Variants in GABRA4 observed in about 807,000 individuals in gnomAD.
GABRA4 encodes gamma-aminobutyric acid type A receptor subunit alpha4, also known as gamma-aminobutyric acid receptor subunit alpha-4.
A neutral mutation model predicts 49.7 loss-of-function variants in GABRA4; 12 were observed. The observed-to-expected ratio is 0.24, with a 90% CI of 0.15 to 0.39. The LOEUF (loss-of-function observed/expected upper bound fraction) is 0.39, where lower values mean the gene tolerates loss of function less well. Ranked by LOEUF, GABRA4 falls within the 10% of genes least tolerant of loss-of-function variation. GABRA4 has a pLI of 1.00. For synonymous variants in GABRA4, 288 were observed against 240.2 expected (o/e 1.20, Z -1.84); for missense variants, 506 against 686.0 (o/e 0.74, Z 2.93).
intron 8 of GABRA4, among the ~76,000 whole-genome samples, chr4:46,962,577 A>C (rs2109371828): frequency 6.6e-6 from 1 of 151,980 alleles, no homozygotes; most frequent in Middle Eastern, 3.4e-3. Flanking sequence ...AAAATACCAA[A>C]GATATTCTTC....
At chr4:46,954,623 T>C (rs1302841920) in intron 8 of GABRA4, among the ~76,000 whole-genome samples, 2 of 151,844 alleles carry the variant, frequency 1.3e-5, no homozygotes, top group African/African-American at 4.8e-5. Flanking sequence ...GAGTTTGTAC[T>C]AATACAGACA....
chr4:46,958,635 A>T (rs959264338), intron 8 of GABRA4, among the ~76,000 whole-genome samples: 1 of 151,958 alleles, frequency 6.6e-6, no homozygotes, highest in African/African-American at 2.4e-5. Context: ...CAGCAGAAAC[A>T]GAACAGCTGG....
In GABRA4 at chr4:46,923,731, G is replaced by A. The variant is rs1196433234; in HGVS notation, c.*4494C>T. The A allele has an allele frequency of 6.6e-6, 1 of 152,018 alleles. No individual in the cohort carries two copies. Among genetic ancestry groups the A allele is most frequent in the African/African-American group, 2.4e-5 (1 of 41,416 alleles). 9.4% of individuals were successfully genotyped at this position (152,018 alleles called of 1,614,324 possible). On this transcript the variant is annotated 3_prime_UTR_variant, in exon 9 of 9. Transcript: ENST00000264318. Reference sequence around the variant, plus strand: ...TTCTCTAAAACAGAAAAATAAGGATGTTAGTTTTCATCGTATTATTCTTCA... The same window carrying A: ...TTCTCTAAAACAGAAAAATAAGGATATTAGTTTTCATCGTATTATTCTTCA...
chr4:46,938,066 T>G (rs1721658942), intron 8 of GABRA4, among the ~76,000 whole-genome samples: 1 of 152,194 alleles, frequency 6.6e-6, no homozygotes, highest in Admixed American at 6.6e-5. Flanking sequence ...TTTTCACACT[T>G]TATATTAAGA....
chr4:46,957,029 CTTTA>C (rs1722390846), intron 8 of GABRA4, among the ~76,000 whole-genome samples: 1 of 152,082 alleles, frequency 6.6e-6, no homozygotes, highest in East Asian at 1.9e-4. Context: ...TTCATGCATA[CTTTA>C]TTTAAGATGC....
chr4:46,974,516 A>G, intron 5 of GABRA4, 141 bp from the exon 6 acceptor site: 1 of 762,980 alleles, frequency 1.3e-6, no homozygotes, highest in Non-Finnish European at 1.9e-6. Flanking sequence ...ACTATAATTT[A>G]GTTCACTATA....
chr4:46,971,204 G>A lies in GABRA4; in HGVS notation c.753C>T (p.His251=). The stretch of plus-strand genomic sequence containing the variant: ...TAAAATAACCCATCTTCCGTCTGAG[G>A]TGGAAGTAAACCGTCATAACAATAT... The part of the protein sequence containing the change: ...GEYIVMTVYF[H]LRRKMGYFMI... The change falls in exon 7 of 9, where the codon CAC becomes CAT. Residue 251 remains histidine (H), a synonymous_variant. Transcript: ENST00000264318. The A allele has an allele frequency of 3.1e-6, 5 of 1,609,614 alleles. No individual in the cohort carries two copies. In the South Asian group the frequency reaches 4.4e-5, roughly 14 times the overall value.
intron 8 of GABRA4, among the ~76,000 whole-genome samples, chr4:46,933,850 T>C (rs1467460743): frequency 6.6e-6 from 1 of 152,194 alleles, no homozygotes; most frequent in Non-Finnish European, 1.5e-5. Flanking sequence ...AATTACTTTG[T>C]CATTAGTCAC....
chr4:46,928,607 T>C lies in GABRA4; in HGVS notation c.1283A>G (p.Tyr428Cys). Reference sequence around the variant, plus strand: ...GAATGGGTTTGGACTGGAAGCTAAGTAAGACCGAGGTGTGCCTTTAGAAGA... The same window carrying C: ...GAATGGGTTTGGACTGGAAGCTAAGCAAGACCGAGGTGTGCCTTTAGAAGA... ...QESSKGTPRSYLASSPNPFSR... is the reference protein window; with the variant it reads ...QESSKGTPRSCLASSPNPFSR... The change falls in exon 9 of 9, where the codon TAC (tyrosine) becomes TGC (cysteine). Residue 428 changes from tyrosine (Y) to cysteine (C), a missense_variant. Physicochemically the swap from Tyr to Cys is radical, Grantham distance 194. This residue lies in a region of GABRA4 where 243 missense variants were observed against 210.8 expected (regional missense o/e 1.15). Transcript: ENST00000264318. 6.2e-7 allele frequency: 1 copy of C among 1,613,750 alleles called. No homozygotes were observed. The highest frequency in any genetic ancestry group is 8.5e-7 in the Non-Finnish European group (1 of 1,179,790).
Position 46,993,504 on chromosome 4 carries a change from A to G in GABRA4, c.-80T>C. 6.9e-7 allele frequency: 1 copy of G among 1,447,692 alleles called. No homozygotes were observed. The highest frequency in any genetic ancestry group is 9.7e-7 in the Non-Finnish European group (1 of 1,034,330). The allele number at this position is 1,447,692 out of a possible 1,614,324, so 89.7% of individuals were successfully genotyped here. ...CCTGAGCAGGGTGCGAGGAGAGGGC[A>G]GAGAGGCTCCCGCGGCGTGCGCACA... On this transcript the variant is annotated 5_prime_UTR_variant, in exon 1 of 9. Coordinates refer to ENST00000264318, the MANE Select transcript of GABRA4 (RefSeq NM_000809.4).
intron 8 of GABRA4, among the ~76,000 whole-genome samples, chr4:46,951,251 T>A (rs1722163181): frequency 6.6e-6 from 1 of 151,018 alleles, no homozygotes; most frequent in Non-Finnish European, 1.5e-5. Context: ...ACTGTTATTA[T>A]GTTATCTAAC....
Position 46,971,323 on chromosome 4 carries a change from G to T in GABRA4, c.722-88C>A, listed in dbSNP as rs1292780913. 7.6e-6 allele frequency: 9 copies of T among 1,179,664 alleles called. No individual in the cohort carries two copies. In the Admixed American group the frequency reaches 1.7e-4, roughly 22 times the overall value. 73.1% of individuals were successfully genotyped at this position (1,179,664 alleles called of 1,614,324 possible). On this transcript the variant is annotated intron_variant, in intron 6 of 8. Coordinates refer to ENST00000264318, the MANE Select transcript of GABRA4 (RefSeq NM_000809.4). ...TAAACATATTTCAGACTAACAAACA[G>T]GATTCTAAGGAAAGAAATTCTCTTT...
chr4:46,968,858 A>C (rs1437727536), intron 7 of GABRA4, among the ~76,000 whole-genome samples: 1 of 151,602 alleles, frequency 6.6e-6, no homozygotes, highest in African/African-American at 2.4e-5. Context: ...AAAGGTTATC[A>C]AGTCATCACA....
chr4:46,932,059 T>C (rs1332151442), intron 8 of GABRA4, among the ~76,000 whole-genome samples: 1 of 152,098 alleles, frequency 6.6e-6, no homozygotes, highest in Non-Finnish European at 1.5e-5. Flanking sequence ...TCAAAGGTCC[T>C]GATGGGAGGT....
At chr4:46,976,679 C>G (rs1030671108) in intron 5 of GABRA4, among the ~76,000 whole-genome samples, 6 of 151,336 alleles carry the variant, frequency 4.0e-5, no homozygotes, top group East Asian at 2.0e-4. Context: ...ATCTATGTAT[C>G]TATCTATCTA....
At chr4:46,937,432 T>A (rs1418154900) in intron 8 of GABRA4, among the ~76,000 whole-genome samples, 2 of 152,208 alleles carry the variant, frequency 1.3e-5, no homozygotes, top group Non-Finnish European at 2.9e-5. Flanking sequence ...AAATTTCTAA[T>A]CTTTTTTATA....
intron 8 of GABRA4, among the ~76,000 whole-genome samples, chr4:46,929,616 C>G (rs1298988401): frequency 6.6e-6 from 1 of 152,036 alleles, no homozygotes; most frequent in Non-Finnish European, 1.5e-5. Flanking sequence ...CAATAAATAA[C>G]TATATACATA....
At chr4:46,946,489 C>A (rs549102547) in intron 8 of GABRA4, among the ~76,000 whole-genome samples, 1 of 152,168 alleles carries the variant, frequency 6.6e-6, no homozygotes, top group South Asian at 2.1e-4. Flanking sequence ...TGTGTCCCAT[C>A]AAGTATTGTG....
intron 7 of GABRA4, among the ~76,000 whole-genome samples, chr4:46,969,251 G>T (rs1722868277): frequency 6.6e-6 from 1 of 151,320 alleles, no homozygotes; most frequent in African/African-American, 2.4e-5. Flanking sequence ...ACACTCTTTA[G>T]GATCATTTAA....
Sources: gnomAD v4.1 joint callset for allele counts (sites outside exome capture counted in the v4.1 genomes callset) on GRCh38, gnomAD v4.1.1 for gene constraint, gnomAD v4.1.1 regional missense constraint, MANE v1.5 for transcripts, NCBI Gene and HGNC (gene_info 2026-07-23, HGNC 2026-07-21) for gene names.